GK3: variants seen among roughly 807,000 people sequenced by gnomAD.
GK3 encodes glycerol kinase 3.
the GK3 span, chr4:165,278,232 A>C: frequency 1.5e-5 from 17 of 1,155,486 alleles, 1 homozygote; most frequent in South Asian, 2.1e-4. Context: ...TCAAGACTCC[A>C]TACGTCGACT....
the GK3 span, chr4:165,278,440 GA>G: frequency 6.6e-7 from 1 of 1,512,028 alleles, no homozygotes; most frequent in East Asian, 2.3e-5. Context: ...CTCGAGTTTG[GA>G]AACAAACAGC....
the GK3 span, chr4:165,278,487 T>C: frequency 1.9e-6 from 3 of 1,595,338 alleles, no homozygotes; most frequent in Admixed American, 3.3e-5. Context: ...CATTTATTCG[T>C]GAATTGAGTG....
the GK3 span, chr4:165,277,922 G>A: frequency 1.1e-6 from 1 of 892,744 alleles, no homozygotes; most frequent in Non-Finnish European, 1.9e-6. Flanking sequence ...AGAGACAATT[G>A]CTGGGTTGTT....
chr4:165,277,949 A>T, the GK3 span: 1 of 977,306 alleles, frequency 1.0e-6, no homozygotes, highest in Non-Finnish European at 1.7e-6. Context: ...TTATGTAAAA[A>T]GCTCGCATCT....
chr4:165,278,359 G>A, the GK3 span: 5 of 1,248,756 alleles, frequency 4.0e-6, no homozygotes, highest in Non-Finnish European at 5.9e-6. Context: ...TTTTGTTGCT[G>A]GTCATTCCTC....
At chr4:165,279,183 G>A in the GK3 span, 13 of 1,582,550 alleles carry the variant, frequency 8.2e-6, no homozygotes, top group South Asian at 3.3e-5. Context: ...AGGAGCCAGC[G>A]AAGTTTCACT....
chr4:165,278,573 C>G, the GK3 span: 6 of 1,610,068 alleles, frequency 3.7e-6, no homozygotes, highest in South Asian at 1.1e-5. Context: ...GACGAAGTAG[C>G]AGCCATAAGA....
the GK3 span, chr4:165,278,166 C>A: frequency 2.1e-6 from 3 of 1,409,994 alleles, no homozygotes; most frequent in Non-Finnish European, 3.0e-6. Flanking sequence ...TCACTTTCCT[C>A]AGCATTAATC....
chr4:165,278,595 C>T, the GK3 span: 1 of 1,604,194 alleles, frequency 6.2e-7, no homozygotes, highest in Non-Finnish European at 8.5e-7. Flanking sequence ...GTACCTACTT[C>T]TTTAGCAAGT....
the GK3 span, chr4:165,278,893 C>T: frequency 8.1e-3 from 11,607 of 1,427,900 alleles, 753 homozygotes; most frequent in African/African-American, 0.14. Context: ...CAGATATTGG[C>T]ACACCTTCCA....
chr4:165,278,299 G>C, the GK3 span: 1 of 1,075,148 alleles, frequency 9.3e-7, no homozygotes, highest in Non-Finnish European at 1.5e-6. Flanking sequence ...CGGGCATCAA[G>C]GGCTTCACTA....
the GK3 span, chr4:165,279,643 C>G: frequency 1.9e-6 from 3 of 1,611,106 alleles, no homozygotes; most frequent in African/African-American, 4.0e-5. Flanking sequence ...TTGAGGCTGC[C>G]ATGAAACCAG....
the GK3 span, chr4:165,278,193 C>T: frequency 0.24 from 298,465 of 1,255,686 alleles, 39,725 homozygotes; most frequent in Non-Finnish European, 0.28. Flanking sequence ...TCAAACCGCT[C>T]CATCGTGACG....
chr4:165,277,984 T>C, the GK3 span: 1 of 1,284,872 alleles, frequency 7.8e-7, no homozygotes, highest in Non-Finnish European at 1.1e-6. Context: ...TTGGTAGGTT[T>C]TATGGAATAC....
At chr4:165,278,707 C>T in the GK3 span, 54 of 1,603,860 alleles carry the variant, frequency 3.4e-5, no homozygotes, top group African/African-American at 4.4e-4. Context: ...CGTAATATAC[C>T]GGTTTGTCTC....
the GK3 span, chr4:165,279,662 C>T: frequency 4.4e-6 from 7 of 1,608,846 alleles, no homozygotes; most frequent in South Asian, 7.7e-5. Flanking sequence ...AGCTTCAGGT[C>T]CGCCCGCGTT....
chr4:165,278,502 C>T, the GK3 span: 1 of 1,601,260 alleles, frequency 6.2e-7, no homozygotes, highest in Admixed American at 1.7e-5. Flanking sequence ...TGAGTGAGTC[C>T]ACAGATTATC....
chr4:165,279,197 C>T, the GK3 span: 32 of 1,562,938 alleles, frequency 2.0e-5, no homozygotes, highest in African/African-American at 3.8e-4. Flanking sequence ...TTTCACTGCA[C>T]TGAAGTAAGT....
chr4:165,279,079 G>C, the GK3 span: 1 of 1,539,566 alleles, frequency 6.5e-7, no homozygotes, highest in Non-Finnish European at 9.0e-7. Context: ...CTCCATTGAC[G>C]CCTCCTGTCA....
Sources: gnomAD v4.1 joint callset for allele counts on GRCh38, gnomAD v4.1.1 for gene constraint, MANE v1.5 for transcripts, NCBI Gene and HGNC (gene_info 2026-07-23, HGNC 2026-07-21) for gene names.